NBEA: variants seen among roughly 807,000 people sequenced by gnomAD.
NBEA encodes the protein neurobeachin.
Under a neutral mutation model 343.4 loss-of-function variants are expected in NBEA, and 44 were observed. The ratio of observed to expected loss-of-function variants is 0.13; its 90% CI spans 0.10 to 0.16. The LOEUF (loss-of-function observed/expected upper bound fraction) is 0.16. Among genes scored for constraint, NBEA ranks in the 10% least tolerant of loss-of-function variants. The probability of loss-of-function intolerance (pLI) is 1.00; values close to 1 mark genes in which losing one functional copy is unlikely to be tolerated. For synonymous variants in NBEA, 1,175 were observed against 1,238.7 expected (o/e 0.95, Z 1.08); for missense variants, 2,555 against 3,631.3 (o/e 0.70, Z 7.62).
At chr13:35,526,185 T>A (rs2077965858) in intron 41 of NBEA, among the ~76,000 whole-genome samples, 1 of 152,226 alleles carries the variant, frequency 6.6e-6, no homozygotes, top group East Asian at 1.9e-4. Context: ...TATAGTTATA[T>A]ATTAAGAACT....
At chr13:35,616,931 CT>C (rs775312743) in intron 48 of NBEA, among the ~76,000 whole-genome samples, 11 of 152,292 alleles carry the variant, frequency 7.2e-5, no homozygotes, top group Non-Finnish European at 1.3e-4. Flanking sequence ...TGTAGCATCC[CT>C]GTAAATACAT....
At chr13:34,996,610 G>A (rs1593406654) in intron 1 of NBEA, among the ~76,000 whole-genome samples, 1 of 151,986 alleles carries the variant, frequency 6.6e-6, no homozygotes, top group Non-Finnish European at 1.5e-5. Context: ...TTAGTGAAAC[G>A]TAATGTAAGA....
intron 34 of NBEA, among the ~76,000 whole-genome samples, chr13:35,244,052 A>G (rs1473065483): frequency 1.3e-5 from 2 of 151,902 alleles, no homozygotes; most frequent in Admixed American, 6.6e-5. Context: ...AACAAGTCTT[A>G]ATACATTTAA....
At chr13:35,054,428 G>A (rs931158918) in intron 6 of NBEA, among the ~76,000 whole-genome samples, 69 of 151,636 alleles carry the variant, frequency 4.6e-4, no homozygotes, top group African/African-American at 1.6e-3. Context: ...ATTTTAATCA[G>A]GGCTAACATA....
intron 38 of NBEA, among the ~76,000 whole-genome samples, chr13:35,429,833 G>A (rs77962246): frequency 0.058 from 7,075 of 121,226 alleles, 204 homozygotes; most frequent in Non-Finnish European, 0.078. Flanking sequence ...GTGTGTGTGT[G>A]TACACACATT....
intron 35 of NBEA, among the ~76,000 whole-genome samples, chr13:35,294,647 G>A (rs2036003126): frequency 6.6e-6 from 1 of 152,040 alleles, no homozygotes; most frequent in Non-Finnish European, 1.5e-5. Flanking sequence ...CATTTCTCAT[G>A]TTTAGTGTTA....
intron 38 of NBEA, among the ~76,000 whole-genome samples, chr13:35,380,581 T>C (rs1022176330): frequency 2.0e-5 from 3 of 152,208 alleles, no homozygotes; most frequent in Non-Finnish European, 2.9e-5. Flanking sequence ...AAAATTTGAC[T>C]ATGAACTTGA....
intron 47 of NBEA, among the ~76,000 whole-genome samples, chr13:35,602,564 T>C (rs551566017): frequency 3.3e-5 from 5 of 152,366 alleles, no homozygotes; most frequent in Middle Eastern, 6.8e-3. Flanking sequence ...TTAAAACATG[T>C]CTGTTTAGTG....
intron 1 of NBEA, among the ~76,000 whole-genome samples, chr13:34,955,202 T>C (rs942915716): frequency 6.6e-6 from 1 of 152,008 alleles, no homozygotes; most frequent in Non-Finnish European, 1.5e-5. Flanking sequence ...TTTATAACTT[T>C]CATATGGAAA....
chr13:35,317,295 G>A (rs1024919318), intron 36 of NBEA, among the ~76,000 whole-genome samples: 1 of 152,168 alleles, frequency 6.6e-6, no homozygotes, highest in Admixed American at 6.5e-5. Flanking sequence ...GTGTAAGGAA[G>A]GGGTCCAGTT....
intron 36 of NBEA, among the ~76,000 whole-genome samples, chr13:35,317,796 A>T (rs1309381802): frequency 6.6e-6 from 1 of 152,094 alleles, no homozygotes; most frequent in Non-Finnish European, 1.5e-5. Context: ...AGTGGTTTAT[A>T]GTTCTCCTTG....
chr13:35,601,035 G>A (rs1322021878), intron 47 of NBEA, among the ~76,000 whole-genome samples: 1 of 152,086 alleles, frequency 6.6e-6, no homozygotes, highest in African/African-American at 2.4e-5. Context: ...AAATTAGTCA[G>A]CCATCATGGC....
At chr13:35,631,641 A>AG (rs2083461133) in intron 49 of NBEA, among the ~76,000 whole-genome samples, 1 of 66,776 alleles carries the variant, frequency 1.5e-5, no homozygotes, top group Non-Finnish European at 3.6e-5. Flanking sequence ...TCCTTTGTAA[A>AG]AAAAAAAAAA....
chr13:35,343,927 C>A (rs551690596), intron 36 of NBEA, among the ~76,000 whole-genome samples: 1 of 152,126 alleles, frequency 6.6e-6, no homozygotes, highest in Admixed American at 6.6e-5. Flanking sequence ...GTACTTGAAT[C>A]ATCTCGAAAC....
At chr13:35,242,387 A>G (rs552476396) in intron 34 of NBEA, among the ~76,000 whole-genome samples, 2 of 152,016 alleles carry the variant, frequency 1.3e-5, no homozygotes, top group East Asian at 3.9e-4. Flanking sequence ...AACAGAATGA[A>G]GAAGAGTGAA....
intron 41 of NBEA, among the ~76,000 whole-genome samples, chr13:35,530,147 C>T (rs1023824274): frequency 2.6e-5 from 4 of 152,068 alleles, no homozygotes; most frequent in Admixed American, 6.6e-5. Context: ...ACATGGATTG[C>T]GTGTGTTAGT....
At position 35,566,962 on chromosome 13, in the gene NBEA, A is replaced by G; in HGVS notation, c.6980A>G (p.Tyr2327Cys). 1.9e-6 allele frequency: 3 copies of G among 1,613,028 alleles called. No individual in the cohort carries two copies. Among genetic ancestry groups the G allele is most frequent in the Non-Finnish European group, 2.5e-6 (3 of 1,179,172 alleles). Residue 2327 changes from tyrosine (Y) to cysteine (C), a missense_variant, in exon 45 of 59, where the codon TAT becomes TGT. By Grantham distance (194) the Tyr-to-Cys change is radical. This residue lies in a region of NBEA where 156 missense variants were observed against 185.8 expected (regional missense o/e 0.84). Coordinates refer to ENST00000379939, the MANE Select transcript of NBEA (RefSeq NM_001385012.1). Reference sequence around the variant, plus strand: ...GTGTTTCCGTGGGTGTTAACCAACTATGAATCAGAAGAGTTGGACCTGACT... The same window carrying G: ...GTGTTTCCGTGGGTGTTAACCAACTGTGAATCAGAAGAGTTGGACCTGACT... ...YPVFPWVLTN[Y>C]ESEELDLTLP... is the part of the protein sequence containing the mutation.
At chr13:34,997,541 G>A (rs907366354) in intron 1 of NBEA, among the ~76,000 whole-genome samples, 1 of 152,112 alleles carries the variant, frequency 6.6e-6, no homozygotes, top group African/African-American at 2.4e-5. Flanking sequence ...GCTGTGTAAT[G>A]TCAGTAATTT....
At chr13:35,271,770 A>C (rs1008437335) in intron 34 of NBEA, among the ~76,000 whole-genome samples, 2 of 152,178 alleles carry the variant, frequency 1.3e-5, no homozygotes, top group African/African-American at 4.8e-5. Flanking sequence ...TTGAACATCA[A>C]ATTAATGAAG....
Sources: allele counts gnomAD v4.1 joint callset (sites outside exome capture counted in the v4.1 genomes callset), GRCh38; gene constraint gnomAD v4.1.1; regional missense constraint gnomAD v4.1.1; transcripts MANE v1.5; gene names NCBI Gene and HGNC (gene_info 2026-07-23, HGNC 2026-07-21).